The following PPARGC1A variants were observed in gnomAD, a reference collection of about 807,000 sequenced individuals.
PPARGC1A encodes peroxisome proliferator-activated receptor gamma coactivator 1-alpha.
PPARGC1A carries 25 observed loss-of-function variants against 88.7 expected under a neutral mutation model. That is an observed-to-expected ratio of 0.28 (90% confidence interval 0.21 to 0.39). The LOEUF (loss-of-function observed/expected upper bound fraction) is 0.39, where lower values mean the gene tolerates loss of function less well. Ranked by LOEUF, PPARGC1A falls within the 10% of genes least tolerant of loss-of-function variation. The probability of loss-of-function intolerance (pLI) is 1.00; values close to 1 mark genes in which losing one functional copy is unlikely to be tolerated. For synonymous variants in PPARGC1A, 363 were observed against 355.6 expected (o/e 1.02, Z -0.24); for missense variants, 880 against 968.7 (o/e 0.91, Z 1.22).
At chr4:23,870,075 A>G (rs1712964249) in intron 2 of PPARGC1A, among the ~76,000 whole-genome samples, 1 of 152,262 alleles carries the variant, frequency 6.6e-6, no homozygotes, top group Non-Finnish European at 1.5e-5. Flanking sequence ...AAGTCTACAC[A>G]GGAAACACTT....
chr4:24,165,836 T>C, the PPARGC1A span, among the ~76,000 whole-genome samples: 1 of 152,166 alleles, frequency 6.6e-6, no homozygotes. Context: ...CAGGCCTCCC[T>C]ATTCCCTGAG....
At chr4:24,013,807 C>G in the PPARGC1A span, among the ~76,000 whole-genome samples, 1 of 152,192 alleles carries the variant, frequency 6.6e-6, no homozygotes, top group African/African-American at 2.4e-5. Flanking sequence ...AAGGAAGTCA[C>G]AGTTGTGAAG....
At chr4:24,025,850 AAGG>A in the PPARGC1A span, among the ~76,000 whole-genome samples, 6 of 152,156 alleles carry the variant, frequency 3.9e-5, no homozygotes, top group African/African-American at 1.4e-4. Context: ...TCAATGGGGA[AAGG>A]AGGAGGAGGA....
At chr4:24,138,376 T>G in the PPARGC1A span, among the ~76,000 whole-genome samples, 1 of 152,178 alleles carries the variant, frequency 6.6e-6, no homozygotes, top group African/African-American at 2.4e-5. Flanking sequence ...AAGGGACAAT[T>G]GGACACAGTC....
chr4:24,310,224 T>C, the PPARGC1A span, among the ~76,000 whole-genome samples: 1 of 152,172 alleles, frequency 6.6e-6, no homozygotes, highest in Non-Finnish European at 1.5e-5. Flanking sequence ...ATCATAAAGA[T>C]GGTATTTTAA....
chr4:24,419,497 C>T, the PPARGC1A span, among the ~76,000 whole-genome samples: 1 of 148,604 alleles, frequency 6.7e-6, no homozygotes, highest in Non-Finnish European at 1.5e-5. Context: ...ACCCTACAAT[C>T]CCGAAAAACA....
At chr4:23,951,866 A>G in the PPARGC1A span, among the ~76,000 whole-genome samples, 2 of 152,188 alleles carry the variant, frequency 1.3e-5, no homozygotes. Flanking sequence ...TTCATTCATC[A>G]GTGATATGTG....
In PPARGC1A at chr4:23,890,035, C is replaced by T; in HGVS notation, c.-78G>A. 6.3e-7 allele frequency: 1 copy of T among 1,596,924 alleles called. No individual in the cohort carries two copies. On this transcript the variant is annotated 5_prime_UTR_variant, in exon 1 of 13. Coordinates refer to ENST00000264867, the MANE Select transcript of PPARGC1A (RefSeq NM_013261.5). The stretch of plus-strand genomic sequence containing the variant: ...ACAGAGCACACACTCATGCAGGCAA[C>T]CAGCCCCTTACTGAGAGTGAACTGA...
chr4:23,971,702 T>A, the PPARGC1A span, among the ~76,000 whole-genome samples: 2 of 152,164 alleles, frequency 1.3e-5, no homozygotes, highest in African/African-American at 4.8e-5. Context: ...TAAGGGTGGG[T>A]CTGCCTTTCC....
At chr4:24,354,661 T>G in the PPARGC1A span, among the ~76,000 whole-genome samples, 3 of 152,114 alleles carry the variant, frequency 2.0e-5, no homozygotes, top group East Asian at 5.8e-4. Context: ...CCAAGGCGTG[T>G]GGATCATGAG....
chr4:24,451,004 A>G, the PPARGC1A span, among the ~76,000 whole-genome samples: 1 of 152,244 alleles, frequency 6.6e-6, no homozygotes, highest in Non-Finnish European at 1.5e-5. Flanking sequence ...AAGACAAGAA[A>G]CTACAGGGAA....
the PPARGC1A span, among the ~76,000 whole-genome samples, chr4:24,415,251 G>A: frequency 6.6e-6 from 1 of 151,730 alleles, no homozygotes; most frequent in Non-Finnish European, 1.5e-5. Flanking sequence ...GCAAAACAGA[G>A]AAGAGGAGCT....
At chr4:24,343,522 C>T in the PPARGC1A span, among the ~76,000 whole-genome samples, 1 of 152,122 alleles carries the variant, frequency 6.6e-6, no homozygotes, top group South Asian at 2.1e-4. Flanking sequence ...CCTGCCAGCA[C>T]ATTGATCCTA....
chr4:23,825,295 C>T (rs886848252), intron 5 of PPARGC1A: 3 of 151,982 alleles, frequency 2.0e-5, no homozygotes, highest in Admixed American at 2.0e-4. Context: ...GAGAGGCATA[C>T]TTGGGCTATA....
the PPARGC1A span, among the ~76,000 whole-genome samples, chr4:24,299,872 T>A: frequency 9.8e-5 from 15 of 152,308 alleles, no homozygotes; most frequent in Middle Eastern, 3.4e-3. Flanking sequence ...ATATAAAATG[T>A]TCGTATGTAT....
the PPARGC1A span, among the ~76,000 whole-genome samples, chr4:24,162,163 A>T: frequency 6.6e-6 from 1 of 152,178 alleles, no homozygotes; most frequent in Non-Finnish European, 1.5e-5. Flanking sequence ...GAGTTAAGCT[A>T]TGAGGATGCA....
the PPARGC1A span, among the ~76,000 whole-genome samples, chr4:24,280,197 A>G: frequency 6.6e-6 from 1 of 152,226 alleles, no homozygotes; most frequent in Non-Finnish European, 1.5e-5. Context: ...CATAATACGG[A>G]GAACTCACGG....
the PPARGC1A span, among the ~76,000 whole-genome samples, chr4:24,223,527 G>A: frequency 6.6e-6 from 1 of 152,168 alleles, no homozygotes; most frequent in Non-Finnish European, 1.5e-5. Context: ...TGAGATTACA[G>A]GCATAAGCCA....
chr4:23,831,850 A>T, intron 2 of PPARGC1A, 99 bp from the exon 3 acceptor site: 1 of 925,420 alleles, frequency 1.1e-6, no homozygotes, highest in East Asian at 2.4e-5. Context: ...CCATACGTGA[A>T]ATCTAGAATG....
Sources: allele counts gnomAD v4.1 joint callset (sites outside exome capture counted in the v4.1 genomes callset), GRCh38; gene constraint gnomAD v4.1.1; transcripts MANE v1.5; gene names NCBI Gene and HGNC (gene_info 2026-07-23, HGNC 2026-07-21).